Variants in CDC123 observed in about 807,000 individuals in gnomAD.
CDC123 encodes the protein translation initiation factor eIF2 assembly protein.
CDC123 carries 37 observed loss-of-function variants against 54.4 expected under a neutral mutation model. The ratio of observed to expected loss-of-function variants is 0.68; its 90% confidence interval spans 0.52 to 0.89. The LOEUF is 0.89. Ranked by LOEUF, CDC123 falls within the 40% of genes least tolerant of loss-of-function variation. The pLI is 0.00. For missense variants in CDC123, 361 were observed against 412.1 expected (o/e 0.88, Z 1.07); for synonymous variants, 144 against 136.8 (o/e 1.05, Z -0.37).
intron 7 of CDC123, among the ~76,000 whole-genome samples, chr10:12,231,594 C>T (rs1022024478): frequency 5.2e-5 from 7 of 134,884 alleles, no homozygotes; most frequent in Non-Finnish European, 7.7e-5. Flanking sequence ...CATTGCACTC[C>T]AGCCTGGGCC....
intron 4 of CDC123, among the ~76,000 whole-genome samples, chr10:12,214,324 G>A (rs375085417): frequency 6.6e-6 from 1 of 152,202 alleles, no homozygotes; most frequent in Non-Finnish European, 1.5e-5. Context: ...TGGCTAGAGC[G>A]GTAGGGGAGC....
intron 10 of CDC123, among the ~76,000 whole-genome samples, chr10:12,241,810 T>G (rs1836061840): frequency 6.6e-6 from 1 of 152,184 alleles, no homozygotes; most frequent in South Asian, 2.1e-4. Context: ...TCCTGCCCTG[T>G]CATTAGAACT....
chr10:12,248,433 TG>T (rs1285538093), intron 11 of CDC123, among the ~76,000 whole-genome samples: 1 of 150,646 alleles, frequency 6.6e-6, no homozygotes, highest in Admixed American at 6.6e-5. Context: ...TGCTTGAACC[TG>T]GAAGGCGGAT....
chr10:12,231,263 C>T (rs1438216010), intron 7 of CDC123, among the ~76,000 whole-genome samples: 1 of 152,212 alleles, frequency 6.6e-6, no homozygotes, highest in Non-Finnish European at 1.5e-5. Context: ...ATACGCCTCA[C>T]AGGTGCACCT....
At chr10:12,208,026 T>C (rs1401634052) in intron 2 of CDC123, among the ~76,000 whole-genome samples, 1 of 152,204 alleles carries the variant, frequency 6.6e-6, no homozygotes, top group African/African-American at 2.4e-5. Flanking sequence ...CCCCTTGACT[T>C]TCTGTTTTCC....
chr10:12,219,441 G>C (rs1835705069), intron 6 of CDC123, among the ~76,000 whole-genome samples: 4 of 152,094 alleles, frequency 2.6e-5, no homozygotes, highest in African/African-American at 9.7e-5. Context: ...GGTCTCAAGT[G>C]ATCCTTCTGT....
At chr10:12,209,468 C>G (rs561576269) in intron 2 of CDC123, among the ~76,000 whole-genome samples, 1 of 152,314 alleles carries the variant, frequency 6.6e-6, no homozygotes, top group Admixed American at 6.5e-5. Flanking sequence ...CTCCTGGGCT[C>G]AAGCAATCCT....
intron 1 of CDC123, among the ~76,000 whole-genome samples, chr10:12,197,478 G>C (rs1019129482): frequency 5.5e-5 from 8 of 144,798 alleles, no homozygotes; most frequent in Non-Finnish European, 9.0e-5. Context: ...CCGAGTTCAC[G>C]CCATTCTCCT....
intron 2 of CDC123, among the ~76,000 whole-genome samples, chr10:12,209,765 A>C (rs568539568): frequency 6.6e-6 from 1 of 152,026 alleles, no homozygotes; most frequent in African/African-American, 2.4e-5. Flanking sequence ...GGGTTTTGCC[A>C]TGTAGTCCAA....
intron 6 of CDC123, among the ~76,000 whole-genome samples, chr10:12,229,025 C>T (rs1438516217): frequency 1.3e-5 from 2 of 152,178 alleles, no homozygotes; most frequent in African/African-American, 4.8e-5. Context: ...TGCCCCCTCC[C>T]TTTCAGTGAG....
At position 12,208,547 on chromosome 10, in the gene CDC123, C is replaced by A. The variant is rs115037460; in HGVS notation, c.147-1420C>A. Among the ~76,000 whole-genome samples, 426 of 152,262 alleles carry A rather than the reference C, an allele frequency of 2.8e-3. 2 individuals carry two copies. Among genetic ancestry groups the A allele is most frequent in the African/African-American group, 0.01 (417 of 41,548 alleles). On this transcript the variant is annotated intron_variant, in intron 2 of 12. Transcript: ENST00000281141. ...AAGAAAGGAGCTGACTGCAGGGAGA[C>A]AGAGGCTTGCTGGGGATTTTATAAG...
intron 10 of CDC123, among the ~76,000 whole-genome samples, chr10:12,242,413 G>A (rs894058610): frequency 2.2e-4 from 33 of 152,192 alleles, no homozygotes; most frequent in African/African-American, 7.5e-4. Context: ...TTTTGGTTCT[G>A]TTTTGGGGAA....
Position 12,242,912 on chromosome 10 carries a change from A to C in CDC123, c.718-3237A>C, listed in dbSNP as rs190334412. Reference sequence around the variant, plus strand: ...AGCTGAGATCGCGCGACTGTACTCCAGCCTGGGCAACAGGGCGAGACTCTG... The same window carrying C: ...AGCTGAGATCGCGCGACTGTACTCCCGCCTGGGCAACAGGGCGAGACTCTG... On this transcript the variant is annotated intron_variant, in intron 10 of 12. Transcript: ENST00000281141. 5.3e-5 allele frequency among the ~76,000 whole-genome samples: 8 copies of C among 152,146 alleles called. No individual in the cohort carries two copies. The East Asian group carries it at 1.5e-3, about 29-fold the overall frequency.
intron 4 of CDC123, among the ~76,000 whole-genome samples, chr10:12,212,416 G>A (rs1835614691): frequency 1.3e-5 from 2 of 152,184 alleles, no homozygotes; most frequent in African/African-American, 4.8e-5. Flanking sequence ...AGCTAGCTTT[G>A]GGCTCTCACT....
intron 6 of CDC123, among the ~76,000 whole-genome samples, chr10:12,224,215 A>G (rs1835774882): frequency 6.6e-6 from 1 of 150,980 alleles, no homozygotes; most frequent in South Asian, 2.1e-4. Flanking sequence ...AAAAAAAAAA[A>G]GACATCTGAT....
At chr10:12,206,628 A>G (rs1835522434) in intron 2 of CDC123, among the ~76,000 whole-genome samples, 1 of 152,230 alleles carries the variant, frequency 6.6e-6, no homozygotes, top group Non-Finnish European at 1.5e-5. Context: ...ACTGACCAAC[A>G]TGGCGAAACC....
At chr10:12,206,351 ATAT>A (rs1225840498) in intron 2 of CDC123, among the ~76,000 whole-genome samples, 2 of 152,256 alleles carry the variant, frequency 1.3e-5, no homozygotes, top group African/African-American at 4.8e-5. Context: ...GCATTTGAAA[ATAT>A]TATGTGGCAT....
intron 6 of CDC123, among the ~76,000 whole-genome samples, chr10:12,230,465 T>A (rs1048821771): frequency 6.6e-6 from 1 of 152,216 alleles, no homozygotes; most frequent in Non-Finnish European, 1.5e-5. Flanking sequence ...AGTGGTGGGA[T>A]TACAGGCATG....
intron 9 of CDC123, 150 bp from the exon 10 acceptor site, chr10:12,238,307 A>C (rs56121235): frequency 0.011 from 8,581 of 768,254 alleles, 164 homozygotes; most frequent in East Asian, 0.08. Context: ...ATGCCTTTTT[A>C]TGTTTGAAGT....
Sources: gnomAD v4.1 joint callset for allele counts (sites outside exome capture counted in the v4.1 genomes callset) on GRCh38, gnomAD v4.1.1 for gene constraint, MANE v1.5 for transcripts, NCBI Gene and HGNC (gene_info 2026-07-23, HGNC 2026-07-21) for gene names.